Variants in CAST observed in about 807,000 individuals in gnomAD.
The protein encoded by CAST is MIR583 host.
A neutral mutation model predicts 119.6 loss-of-function variants in CAST; 76 were observed. That is an observed-to-expected ratio of 0.64 (90% confidence interval 0.53 to 0.77). CAST has a LOEUF of 0.77. Among genes scored for constraint, CAST ranks in the 30% least tolerant of loss-of-function variants. The pLI is 0.00. For synonymous variants in CAST, 319 were observed against 331.6 expected (o/e 0.96, Z 0.41); for missense variants, 953 against 946.5 (o/e 1.01, Z -0.09).
the CAST span, among the ~76,000 whole-genome samples, chr5:96,262,718 G>A: frequency 6.6e-6 from 1 of 152,018 alleles, no homozygotes; most frequent in East Asian, 1.9e-4. Context: ...TGTATTTTTA[G>A]TAGAGATAGG....
At chr5:96,209,273 C>G in the CAST span, among the ~76,000 whole-genome samples, 1 of 151,968 alleles carries the variant, frequency 6.6e-6, no homozygotes, top group Non-Finnish European at 1.5e-5. Context: ...CTGTATCCAA[C>G]TTGCCACTCT....
chr5:96,427,603 C>A, the CAST span, among the ~76,000 whole-genome samples: 25 of 152,154 alleles, frequency 1.6e-4, no homozygotes, highest in South Asian at 4.6e-3. Flanking sequence ...CCTCCCCCAC[C>A]AAATCAGCTA....
At chr5:96,532,347 C>T (rs1426979074) in intron 1 of CAST, among the ~76,000 whole-genome samples, 1 of 152,146 alleles carries the variant, frequency 6.6e-6, no homozygotes, top group African/African-American at 2.4e-5. Context: ...AATTTAGCAT[C>T]ACTAAGGGTA....
chr5:96,678,647 A>G (rs1322909120), intron 2 of CAST, among the ~76,000 whole-genome samples: 1 of 152,134 alleles, frequency 6.6e-6, no homozygotes, highest in African/African-American at 2.4e-5. Flanking sequence ...GATCGACACC[A>G]TCCTGGCTAA....
chr5:96,582,754 T>C (rs1280225684), intron 1 of CAST, among the ~76,000 whole-genome samples: 1 of 152,220 alleles, frequency 6.6e-6, no homozygotes, highest in Admixed American at 6.5e-5. Flanking sequence ...AAATAATTAT[T>C]TTTAAAAAAC....
At chr5:96,753,142 C>T (rs1765513831) in intron 20 of CAST, among the ~76,000 whole-genome samples, 1 of 151,950 alleles carries the variant, frequency 6.6e-6, no homozygotes. Flanking sequence ...TACAGGCATG[C>T]ACCATCATGC....
At chr5:96,212,231 C>T in the CAST span, among the ~76,000 whole-genome samples, 1 of 151,986 alleles carries the variant, frequency 6.6e-6, no homozygotes. Flanking sequence ...TTACTGATTT[C>T]AGACTGTTTC....
chr5:96,526,853 G>C (rs757457309), upstream of CAST, among the ~76,000 whole-genome samples: 1 of 152,182 alleles, frequency 6.6e-6, no homozygotes, highest in African/African-American at 2.4e-5. Context: ...AGGATCTGTG[G>C]CCTGTGCTTT....
At chr5:96,059,081 G>A in the CAST span, among the ~76,000 whole-genome samples, 1 of 151,258 alleles carries the variant, frequency 6.6e-6, no homozygotes, top group South Asian at 2.1e-4. Context: ...CTTTTTTTTT[G>A]TTAGAGATGA....
At chr5:96,432,245 G>A in the CAST span, 4 of 870,668 alleles carry the variant, frequency 4.6e-6, no homozygotes, top group South Asian at 6.6e-5. Context: ...ATGGTCCCGT[G>A]TCTTTCACCC....
intron 1 of CAST, among the ~76,000 whole-genome samples, chr5:96,561,407 C>T (rs1014634103): frequency 1.3e-5 from 2 of 151,668 alleles, no homozygotes; most frequent in African/African-American, 4.8e-5. Context: ...GAGTTCATGT[C>T]CTTTGCAGGG....
At chr5:96,362,012 T>G in the CAST span, among the ~76,000 whole-genome samples, 1 of 151,994 alleles carries the variant, frequency 6.6e-6, no homozygotes, top group African/African-American at 2.4e-5. Context: ...GGCCCCGGTG[T>G]GTGATGTTCC....
At chr5:96,518,124 T>C in the CAST span, among the ~76,000 whole-genome samples, 1 of 151,696 alleles carries the variant, frequency 6.6e-6, no homozygotes, top group Non-Finnish European at 1.5e-5. Context: ...GAAGTCTTTG[T>C]CTCTGAAGTA....
chr5:96,763,742 C>A (rs1581378595), intron 25 of CAST, among the ~76,000 whole-genome samples: 1 of 152,130 alleles, frequency 6.6e-6, no homozygotes, highest in Non-Finnish European at 1.5e-5. Flanking sequence ...TAGATTGTTA[C>A]TAACAGTGTT....
At chr5:95,964,917 C>T in the CAST span, 3 of 152,256 alleles carry the variant, frequency 2.0e-5, no homozygotes, top group Non-Finnish European at 2.9e-5. Context: ...TGCTCCATCT[C>T]TCATGTCTAG....
the CAST span, among the ~76,000 whole-genome samples, chr5:96,016,241 C>T: frequency 1.3e-5 from 2 of 152,290 alleles, no homozygotes; most frequent in African/African-American, 4.8e-5. Context: ...AACACAGATC[C>T]CCTAGTAGTG....
chr5:96,495,341 G>C, the CAST span, among the ~76,000 whole-genome samples: 1 of 152,040 alleles, frequency 6.6e-6, no homozygotes, highest in African/African-American at 2.4e-5. Context: ...ATGGTGGTCT[G>C]CTGCACCTAT....
At chr5:96,745,492 A>G (rs935492674) in intron 16 of CAST, among the ~76,000 whole-genome samples, 1 of 152,086 alleles carries the variant, frequency 6.6e-6, no homozygotes, top group Non-Finnish European at 1.5e-5. Context: ...TAAGAACCAC[A>G]CTCTTAGGCT....
chr5:96,095,956 GT>G, the CAST span, among the ~76,000 whole-genome samples: 1 of 152,116 alleles, frequency 6.6e-6, no homozygotes, highest in East Asian at 1.9e-4. Context: ...ATTCCTCTTT[GT>G]TTTGGCCAAA....
Sources: gnomAD v4.1 joint callset for allele counts (sites outside exome capture counted in the v4.1 genomes callset) on GRCh38, gnomAD v4.1.1 for gene constraint, MANE v1.5 for transcripts, NCBI Gene and HGNC (gene_info 2026-07-23, HGNC 2026-07-21) for gene names.